Variants in SASH1 observed in about 807,000 individuals in gnomAD.
SASH1 encodes SAM and SH3 domain-containing protein 1.
A neutral mutation model predicts 125.2 loss-of-function variants in SASH1; 44 were observed. The observed-to-expected ratio is 0.35, with a 90% CI of 0.28 to 0.45. The LOEUF (loss-of-function observed/expected upper bound fraction) is 0.45. SASH1 is among the 20% of genes least tolerant of loss of function. SASH1 has a pLI of 1.00. For synonymous variants in SASH1, 639 were observed against 649.1 expected, an observed-to-expected ratio of 0.98 and a Z score of 0.24; for missense variants, 1,426 against 1,614.5, an observed-to-expected ratio of 0.88 and a Z score of 2.00.
intron 1 of SASH1, among the ~76,000 whole-genome samples, chr6:148,298,288 T>C (rs914534043): frequency 7.2e-5 from 11 of 152,218 alleles, no homozygotes; most frequent in Non-Finnish European, 1.0e-4. Flanking sequence ...TCTGGGATTA[T>C]AGACATGAGC....
intron 2 of SASH1, 50 bp downstream of exon 2, chr6:148,390,312 T>G (rs1322144806): frequency 1.9e-6 from 3 of 1,578,752 alleles, no homozygotes; most frequent in Non-Finnish European, 2.6e-6. Context: ...CTGCTCCAAT[T>G]TGGGCTTTTC....
chr6:148,401,846 A>T (rs886834890), intron 2 of SASH1, among the ~76,000 whole-genome samples: 2 of 152,132 alleles, frequency 1.3e-5, no homozygotes, highest in African/African-American at 4.8e-5. Context: ...CTTAACAAAG[A>T]TGCCAAAAGG....
intron 12 of SASH1, among the ~76,000 whole-genome samples, chr6:148,531,096 A>C (rs2294782): frequency 0.074 from 11,275 of 152,222 alleles, 568 homozygotes; most frequent in Non-Finnish European, 0.1. Context: ...ACTTTTTTAA[A>C]AGTGCATGTT....
At chr6:148,199,913 C>T in the SASH1 span, among the ~76,000 whole-genome samples, 1 of 152,108 alleles carries the variant, frequency 6.6e-6, no homozygotes, top group South Asian at 2.1e-4. Flanking sequence ...TGAAGATGCT[C>T]ATCAGTCAAA....
At chr6:148,283,960 C>T (rs900884050) in intron 1 of SASH1, among the ~76,000 whole-genome samples, 1 of 151,494 alleles carries the variant, frequency 6.6e-6, no homozygotes, top group African/African-American at 2.4e-5. Flanking sequence ...CAGGAAGAAC[C>T]AGAAATTCCA....
chr6:148,217,865 A>T, the SASH1 span, among the ~76,000 whole-genome samples: 3 of 150,504 alleles, frequency 2.0e-5, no homozygotes, highest in Non-Finnish European at 4.4e-5. Context: ...AAAAAAAAAA[A>T]TTAGCCGGGT....
chr6:148,317,282 A>G (rs1321820621), intron 1 of SASH1, among the ~76,000 whole-genome samples: 3 of 152,242 alleles, frequency 2.0e-5, no homozygotes, highest in African/African-American at 7.2e-5. Context: ...GGTCCAATAA[A>G]GAGCTCTTGT....
chr6:148,400,162 G>A (rs886975393), intron 2 of SASH1, among the ~76,000 whole-genome samples: 1 of 152,200 alleles, frequency 6.6e-6, no homozygotes, highest in African/African-American at 2.4e-5. Flanking sequence ...GTCATTTAGC[G>A]GTGATGTCAA....
intron 1 of SASH1, among the ~76,000 whole-genome samples, chr6:148,281,033 C>T (rs1028971347): frequency 6.6e-6 from 1 of 151,726 alleles, no homozygotes; most frequent in Non-Finnish European, 1.5e-5. Context: ...ACCTCCACCT[C>T]CCGGGTTCAA....
At chr6:148,386,325 T>G (rs916686027) in intron 1 of SASH1, among the ~76,000 whole-genome samples, 1 of 152,182 alleles carries the variant, frequency 6.6e-6, no homozygotes, top group East Asian at 1.9e-4. Context: ...ATATTAATAA[T>G]TACATAAATA....
At chr6:148,301,489 C>T (rs1171951943) in intron 1 of SASH1, among the ~76,000 whole-genome samples, 2 of 152,120 alleles carry the variant, frequency 1.3e-5, no homozygotes, top group African/African-American at 4.8e-5. Flanking sequence ...TGGTCTCAAA[C>T]TCCTGACCTC....
At chr6:148,461,076 C>G (rs899522504) in intron 4 of SASH1, among the ~76,000 whole-genome samples, 2 of 152,174 alleles carry the variant, frequency 1.3e-5, no homozygotes, top group Non-Finnish European at 2.9e-5. Context: ...CCAGACACTG[C>G]GCAAAGCTCT....
At chr6:148,354,706 T>C (rs1458203236) in intron 1 of SASH1, among the ~76,000 whole-genome samples, 1 of 152,174 alleles carries the variant, frequency 6.6e-6, no homozygotes, top group Non-Finnish European at 1.5e-5. Context: ...ATGGGACTCA[T>C]TGTGGTTTGA....
chr6:148,511,834 C>G (rs2115317723), intron 8 of SASH1, among the ~76,000 whole-genome samples: 1 of 151,730 alleles, frequency 6.6e-6, no homozygotes, highest in South Asian at 2.1e-4. Context: ...TTTTCTATAC[C>G]CCATTTCTCT....
chr6:148,395,929 G>A (rs193250644), intron 2 of SASH1, among the ~76,000 whole-genome samples: 1 of 152,202 alleles, frequency 6.6e-6, no homozygotes, highest in Admixed American at 6.5e-5. Flanking sequence ...AATCTGTGTG[G>A]GTATTGGCAG....
intron 1 of SASH1, among the ~76,000 whole-genome samples, chr6:148,387,519 CTTT>C (rs1783428757): frequency 7.8e-6 from 1 of 128,422 alleles, no homozygotes; most frequent in Non-Finnish European, 1.9e-5. Flanking sequence ...CTTTTTCCTT[CTTT>C]CTTTCTTTCT....
chr6:148,227,558 A>G, the SASH1 span, among the ~76,000 whole-genome samples: 1 of 152,162 alleles, frequency 6.6e-6, no homozygotes. Flanking sequence ...GGGTTTCACC[A>G]TGGTGGCCAG....
At chr6:148,314,948 G>A (rs1780442913) in intron 1 of SASH1, among the ~76,000 whole-genome samples, 1 of 151,998 alleles carries the variant, frequency 6.6e-6, no homozygotes, top group African/African-American at 2.4e-5. Context: ...AGTAGAGCTG[G>A]TGTTTCACCA....
the SASH1 span, among the ~76,000 whole-genome samples, chr6:148,252,709 C>T: frequency 1.3e-5 from 2 of 152,140 alleles, no homozygotes; most frequent in Non-Finnish European, 2.9e-5. Context: ...AAACTGCTGA[C>T]CTCACGTGAT....
Sources: allele counts gnomAD v4.1 joint callset (sites outside exome capture counted in the v4.1 genomes callset), GRCh38; gene constraint gnomAD v4.1.1; transcripts MANE v1.5; gene names NCBI Gene and HGNC (gene_info 2026-07-23, HGNC 2026-07-21).